The following DACT2 variants were observed in gnomAD, a reference collection of about 807,000 sequenced individuals.
The protein encoded by DACT2 is dapper homolog 2.
In DACT2, 20 loss-of-function variants were observed where a neutral mutation model predicts 22.2. The observed-to-expected ratio is 0.90, with a 90% CI of 0.63 to 1.31. The LOEUF is 1.31. Among genes scored for constraint, DACT2 ranks in the 50% most tolerant of loss-of-function variants. The pLI, the probability that DACT2 is intolerant of heterozygous loss-of-function variation, is 0.00. For synonymous variants in DACT2, 463 were observed against 479.8 expected, an observed-to-expected ratio of 0.96 and a Z score of 0.46; for missense variants, 1,048 against 1,061.4, an observed-to-expected ratio of 0.99 and a Z score of 0.18.
Position 168,307,266 on chromosome 6 carries a change from GCC to G in DACT2, c.*164_*165del, listed in dbSNP as rs1470615827. 1 of 1,436,260 alleles carries G rather than the reference GCC, an allele frequency of 7.0e-7. No homozygotes were observed. The highest frequency in any genetic ancestry group is 9.1e-7 in the Non-Finnish European group (1 of 1,097,702). The allele number at this position is 1,436,260 out of a possible 1,614,324, so 89.0% of individuals were successfully genotyped here. On this transcript the variant is annotated 3_prime_UTR_variant, in exon 4 of 4. Transcript: ENST00000366795. The surrounding 1 kb of genome is among the most constrained non-coding windows in gnomAD (Gnocchi z 5.3). ...GTCTTTGCTGGGGCGGGGACTCACG[GCC>G]ATACTCCACAGGGCAGAACCCATCT...
chr6:168,295,733 C>T lies in DACT2; in HGVS notation c.659-1029G>A, dbSNP rs201631924. On this transcript the variant is annotated intron_variant, in intron 3 of 5. Coordinates refer to the DACT2 transcript ENST00000366796. Reference sequence around the variant, plus strand: ...AGGCTTTTCACTTGACAAGATGATCCTGTGATCCACACAGGTATAAAGAAC... The same window carrying T: ...AGGCTTTTCACTTGACAAGATGATCTTGTGATCCACACAGGTATAAAGAAC... Among the ~76,000 whole-genome samples the T allele has an allele frequency of 2.0e-5, 3 of 152,160 alleles. No individual in the cohort carries two copies. In the East Asian group the frequency reaches 5.8e-4, roughly 29 times the overall value.
In DACT2 at chr6:168,313,321, G is replaced by A. The variant is rs1378799803; in HGVS notation, c.247-2037C>T. Reference sequence around the variant, plus strand: ...GCCTCCCAAAGTGCTCGGATTACAGGCATGAGCCACCGCGCCCGGCCTCTG... The same window carrying A: ...GCCTCCCAAAGTGCTCGGATTACAGACATGAGCCACCGCGCCCGGCCTCTG... On this transcript the variant is annotated intron_variant, in intron 1 of 3. Transcript: ENST00000366795. Among the ~76,000 whole-genome samples, 3 of 152,186 alleles carry A rather than the reference G, an allele frequency of 2.0e-5. No individual in the cohort carries two copies. The East Asian group carries it at 5.8e-4, about 29-fold the overall frequency.
Position 168,309,102 on chromosome 6 carries a change from G to T in DACT2, c.659-4C>A, listed in dbSNP as rs1395195468. The stretch of plus-strand genomic sequence containing the variant: ...GGCAGGGCTCTGTCAAGATCACCTG[G>T]GAGCGAGAAAAATGAACAAACACGT... On this transcript the variant is annotated splice_polypyrimidine_tract_variant and splice_region_variant and intron_variant, in intron 3 of 3. Coordinates refer to ENST00000366795, the MANE Select transcript of DACT2 (RefSeq NM_214462.5). The T allele has an allele frequency of 2.1e-5, 32 of 1,507,278 alleles. No homozygotes were observed. In the East Asian group the frequency reaches 7.4e-4, roughly 35 times the overall value. The allele number at this position is 1,507,278 out of a possible 1,614,324, so 93.4% of individuals were successfully genotyped here.
At position 168,307,336 on chromosome 6, in the gene DACT2, C is replaced by T; in HGVS notation, c.*96G>A. 1 of 1,498,042 alleles carries T rather than the reference C, an allele frequency of 6.7e-7. No individual in the cohort carries two copies. Among genetic ancestry groups the T allele is most frequent in the Non-Finnish European group, 8.9e-7 (1 of 1,124,176 alleles). The allele number at this position is 1,498,042 out of a possible 1,614,324, so 92.8% of individuals were successfully genotyped here. On this transcript the variant is annotated 3_prime_UTR_variant, in exon 4 of 4. Coordinates refer to ENST00000366795, the MANE Select transcript of DACT2 (RefSeq NM_214462.5). The surrounding 1 kb of genome is among the most constrained non-coding windows in gnomAD (Gnocchi z 5.3). Reference sequence around the variant, plus strand: ...ACGGTGGCCTCGGAAGATAAAGCGACTTGGCAAGACGACACTGAAACCCAG... The same window carrying T: ...ACGGTGGCCTCGGAAGATAAAGCGATTTGGCAAGACGACACTGAAACCCAG...
chr6:168,306,089 T>A (rs901059252), downstream of DACT2, among the ~76,000 whole-genome samples: 2 of 152,196 alleles, frequency 1.3e-5, no homozygotes, highest in African/African-American at 4.8e-5. Context: ...CTTACAGGCA[T>A]CTCAAACCAA....
At chr6:168,293,840 T>C (rs2114889334) in exon 6 of DACT2, 1 of 702,734 alleles carries the variant, frequency 1.4e-6, no homozygotes, top group Non-Finnish European at 2.6e-6. Context: ...AGGACCCGAC[T>C]TCCAGCCTGT....
intron 1 of DACT2, among the ~76,000 whole-genome samples, chr6:168,314,865 A>C (rs1374997718): frequency 6.6e-6 from 1 of 152,212 alleles, no homozygotes; most frequent in African/African-American, 2.4e-5. Flanking sequence ...GAGGTCTGTC[A>C]ATCAACAGCA....
chr6:168,304,296 C>T (rs970587742), downstream of DACT2, among the ~76,000 whole-genome samples: 5 of 152,208 alleles, frequency 3.3e-5, no homozygotes, highest in Admixed American at 2.0e-4. Flanking sequence ...ATTCAGGAGA[C>T]GAATGTTCAC....
chr6:168,309,014 C>T lies in DACT2; in HGVS notation c.743G>A (p.Gly248Glu), dbSNP rs1779316952. ...CGGCACGTGCAGCGGGATATCCACCCCCTGGCAGAGGAGCCCGAGGAGCTC... is the reference window on the plus strand; with the variant it reads ...CGGCACGTGCAGCGGGATATCCACCTCCTGGCAGAGGAGCCCGAGGAGCTC... ...DAELLGLLCQ[G>E]VDIPLHVPDP... Residue 248 changes from glycine to glutamate, a missense_variant, in exon 4 of 4, where the codon GGG (glycine) becomes GAG (glutamate). Transcript: ENST00000366795. 4 of 1,548,012 alleles carry T rather than the reference C, an allele frequency of 2.6e-6. No individual in the cohort carries two copies. Among genetic ancestry groups the T allele is most frequent in the Non-Finnish European group, 3.5e-6 (4 of 1,146,952 alleles).
At chr6:168,311,551 T>TACACACACACCCACACAC (rs778387834) in intron 1 of DACT2, among the ~76,000 whole-genome samples, 7 of 97,894 alleles carry the variant, frequency 7.2e-5, no homozygotes, top group South Asian at 3.6e-4. Flanking sequence ...CACACACACA[T>TACACACACACCCACACAC]ACACACACTC....
At chr6:168,295,210 A>T (rs1322357079) in intron 3 of DACT2, among the ~76,000 whole-genome samples, 1 of 152,184 alleles carries the variant, frequency 6.6e-6, no homozygotes, top group Non-Finnish European at 1.5e-5. Flanking sequence ...ACAGCTCAAT[A>T]TTGGGTAGCC....
Position 168,311,142 on chromosome 6 carries a change from G to T in DACT2, c.379+10C>A. The T allele has an allele frequency of 6.6e-7, 1 of 1,515,884 alleles. No homozygotes were observed. The highest frequency in any genetic ancestry group is 1.2e-5 in the South Asian group (1 of 82,694). 93.9% of individuals were successfully genotyped at this position (1,515,884 alleles called of 1,614,324 possible). A position where few individuals can be genotyped will look rare whatever the true frequency, so the allele number is the denominator to read the frequency against. On this transcript the variant is annotated intron_variant, in intron 2 of 3. Transcript: ENST00000366795. Reference sequence around the variant, plus strand: ...GCCCCTGTGTCCGGGAGGTCAGGGCGCCCTGGTACCTGAGCTGGGCCTGCT... The same window carrying T: ...GCCCCTGTGTCCGGGAGGTCAGGGCTCCCTGGTACCTGAGCTGGGCCTGCT...
Position 168,310,043 on chromosome 6 carries a change from G to A in DACT2, c.658+125C>T, listed in dbSNP as rs374610344. The A allele has an allele frequency of 1.9e-4, 264 of 1,404,532 alleles. 1 individual carries two copies. Among genetic ancestry groups the A allele is most frequent in the Non-Finnish European group, 2.1e-4 (230 of 1,070,136 alleles). The allele number at this position is 1,404,532 out of a possible 1,614,324, so 87.0% of individuals were successfully genotyped here. On this transcript the variant is annotated intron_variant, in intron 3 of 3. Coordinates refer to ENST00000366795, the MANE Select transcript of DACT2 (RefSeq NM_214462.5). The stretch of plus-strand genomic sequence containing the variant: ...ACGTGGCCCACGGAGGCCTTCCAGC[G>A]TCCCTTAGAGCCTGACAGCGTGCTC...
At chr6:168,294,806 A>G (rs996536651) in intron 3 of DACT2, 20 of 442,150 alleles carry the variant, frequency 4.5e-5, no homozygotes, top group Non-Finnish European at 7.6e-5. Flanking sequence ...CATGCAACTT[A>G]GATTTTATAA....
rs930837505 is a variant in DACT2 at position 168,318,149 on chromosome 6, G to C, written c.246+1239C>G. 3.9e-5 allele frequency among the ~76,000 whole-genome samples: 6 copies of C among 152,254 alleles called. No homozygotes were observed. The East Asian group carries it at 1.2e-3, about 29-fold the overall frequency. ...TGTGCTGAGCTGAGGTCACACAGAG[G>C]CTGCGATTGTGTCTGGTGCAAACAC... On this transcript the variant is annotated intron_variant, in intron 1 of 3. Transcript: ENST00000366795.
intron 3 of DACT2, 88 bp from the exon 4 acceptor site, chr6:168,309,186 G>A: frequency 7.0e-7 from 1 of 1,437,424 alleles, no homozygotes; most frequent in East Asian, 2.5e-5. Flanking sequence ...AGCTGGGATG[G>A]AAACGCTGCT....
Position 168,309,043 on chromosome 6 carries a change from G to C in DACT2, c.714C>G (p.Asp238Glu), listed in dbSNP as rs781619443. Reference sequence around the variant, plus strand: ...GGCAGAGGAGCCCGAGGAGCTCGGCGTCCGCGCTGGCTTTCTGGAGCCCCG... The same window carrying C: ...GGCAGAGGAGCCCGAGGAGCTCGGCCTCCGCGCTGGCTTTCTGGAGCCCCG... ...ADTGLQKASA[D>E]AELLGLLCQG... Residue 238 changes from aspartate to glutamate, a missense_variant, in exon 4 of 4, where the codon GAC becomes GAG. Transcript: ENST00000366795. The C allele has an allele frequency of 1.2e-5, 18 of 1,542,984 alleles. No individual in the cohort carries two copies. The highest frequency in any genetic ancestry group is 7.9e-5 in the Admixed American group (4 of 50,930).
chr6:168,311,519 CAA>C (rs1340741678), intron 1 of DACT2, among the ~76,000 whole-genome samples: 12 of 128,924 alleles, frequency 9.3e-5, no homozygotes, highest in African/African-American at 3.2e-4. Context: ...TACACACACA[CAA>C]ACACACACAC....
chr6:168,309,119 C>T, intron 3 of DACT2, 21 bp from the exon 4 acceptor site: 1 of 1,496,374 alleles, frequency 6.7e-7, no homozygotes, highest in East Asian at 2.5e-5. Context: ...GAAAAATGAA[C>T]AAACACGTAA....
Sources: gnomAD v4.1 joint callset for allele counts (sites outside exome capture counted in the v4.1 genomes callset) on GRCh38, gnomAD v4.1.1 for gene constraint, Gnocchi (gnomAD v3.1) non-coding constraint, MANE v1.5 for transcripts, NCBI Gene and HGNC (gene_info 2026-07-23, HGNC 2026-07-21) for gene names.